The following RAPGEF1 variants were observed in gnomAD, a reference collection of about 807,000 sequenced individuals.
RAPGEF1 encodes the protein Rap guanine nucleotide exchange factor 1.
RAPGEF1 carries 33 observed loss-of-function variants against 143.3 expected under a neutral mutation model. The ratio of observed to expected loss-of-function variants is 0.23; its 90% CI spans 0.17 to 0.31. RAPGEF1 has a LOEUF of 0.31. RAPGEF1 is among the 10% of genes least tolerant of loss of function. The pLI is 1.00. For synonymous variants in RAPGEF1, 629 were observed against 676.5 expected, an observed-to-expected ratio of 0.93 and a Z score of 1.09; for missense variants, 1,199 against 1,645.4, an observed-to-expected ratio of 0.73 and a Z score of 4.69.
At chr9:131,598,385 C>T (rs2132400128) in intron 15 of RAPGEF1, 75 bp from the exon 16 acceptor site, 3 of 1,293,102 alleles carry the variant, frequency 2.3e-6, no homozygotes, top group Admixed American at 1.9e-5. Flanking sequence ...AAGGCAGTGC[C>T]GGTGTGCACG....
intron 1 of RAPGEF1, among the ~76,000 whole-genome samples, chr9:131,727,123 C>A (rs2131314392): frequency 6.6e-6 from 1 of 152,190 alleles, no homozygotes; most frequent in Non-Finnish European, 1.5e-5. Flanking sequence ...GGTATTCCAC[C>A]CAGCAGCTTA....
In RAPGEF1 at chr9:131,582,636, A is replaced by C. The variant is rs1408231290; in HGVS notation, c.3481T>G (p.Ser1161Ala). Reference protein sequence around the residue: ...SSFRAYRAALSEVEPPCIPYL... With the variant: ...SSFRAYRAALAEVEPPCIPYL... ...GGGATGCACGGCGGTTCCACCTCCG[A>C]GAGGGCGGCCCGGTAGGCTCGGAAG... Residue 1161 changes from serine to alanine, a missense_variant, in exon 25 of 27, where the codon TCG becomes GCG. Around this residue, in one of 6 missense-constraint regions of RAPGEF1, gnomAD observed 209 missense variants for 403.0 expected, o/e 0.52. Transcript: ENST00000683357. 6.5e-7 allele frequency: 1 copy of C among 1,533,132 alleles called. No homozygotes were observed. Among genetic ancestry groups the C allele is most frequent in the Non-Finnish European group, 8.7e-7 (1 of 1,150,266 alleles). 95.0% of individuals were successfully genotyped at this position (1,533,132 alleles called of 1,614,324 possible).
chr9:131,602,234 G>A (rs774676984), intron 14 of RAPGEF1, 85 bp from the exon 15 acceptor site: 21 of 944,174 alleles, frequency 2.2e-5, no homozygotes, highest in Non-Finnish European at 3.4e-5. Flanking sequence ...CCTGCAAGTG[G>A]CTGTGGAGTG....
chr9:131,681,917 G>GGCTGCTCAGGATATAGTGTTGCAGTT (rs1832943209), intron 1 of RAPGEF1, among the ~76,000 whole-genome samples: 1 of 152,116 alleles, frequency 6.6e-6, no homozygotes, highest in Non-Finnish European at 1.5e-5. Context: ...CTGCAGATTC[G>GGCTGCTCAGGATATAGTGTTGCAGTT]GCTGCTCAGG....
chr9:131,613,187 G>A (rs546121660), intron 12 of RAPGEF1, among the ~76,000 whole-genome samples: 3 of 152,338 alleles, frequency 2.0e-5, no homozygotes, highest in African/African-American at 7.2e-5. Context: ...AGAGGAAAGC[G>A]GGGCCCAGGG....
intron 1 of RAPGEF1, among the ~76,000 whole-genome samples, chr9:131,688,759 AT>A (rs1312476342): frequency 6.6e-6 from 1 of 152,102 alleles, no homozygotes; most frequent in Non-Finnish European, 1.5e-5. Context: ...AATACAAAAA[AT>A]TAGCTGGGTG....
At chr9:131,684,728 A>G (rs1024073227) in intron 1 of RAPGEF1, among the ~76,000 whole-genome samples, 1 of 152,246 alleles carries the variant, frequency 6.6e-6, no homozygotes, top group Non-Finnish European at 1.5e-5. Context: ...GTAAAATAAT[A>G]ACTTGGAGTA....
At chr9:131,630,401 T>C in intron 5 of RAPGEF1, 77 bp from the exon 6 acceptor site, 1 of 1,385,542 alleles carries the variant, frequency 7.2e-7, no homozygotes, top group Non-Finnish European at 1.0e-6. Flanking sequence ...GCAGGTGCTG[T>C]CTGTCCTCTG....
chr9:131,587,710 A>G (rs749925196), intron 22 of RAPGEF1, 26 bp downstream of exon 22: 3 of 1,604,606 alleles, frequency 1.9e-6, no homozygotes, highest in Non-Finnish European at 2.6e-6. Flanking sequence ...CCAGAGCAAC[A>G]GGGCTTGGCG....
At chr9:131,688,206 C>T (rs1833506968) in intron 1 of RAPGEF1, among the ~76,000 whole-genome samples, 1 of 152,156 alleles carries the variant, frequency 6.6e-6, no homozygotes, top group Non-Finnish European at 1.5e-5. Context: ...GAGAATTGTC[C>T]CTCCAAGTCA....
Position 131,638,735 on chromosome 9 carries a change from C to T in RAPGEF1, c.551G>A (p.Arg184His), listed in dbSNP as rs759592415. ...TTCCAGCATCACTTGGTCAGACCAG[C>T]GAATGAGGTTGGCGAGGCTTTGGTA... ...RVYQSLANLI[R>H]WSDQVMLEGV... The change falls in exon 5 of 27, where the codon CGC (arginine) becomes CAC (histidine). Residue 184 changes from arginine (R) to histidine (H), a missense_variant. By Grantham distance (29) the Arg-to-His change is conservative (BLOSUM62 0). This residue lies in a region of RAPGEF1 where 613 missense variants were observed against 710.9 expected (regional missense o/e 0.86). Coordinates refer to ENST00000683357, the MANE Select transcript of RAPGEF1 (RefSeq NM_001377935.1). The T allele has an allele frequency of 6.8e-6, 11 of 1,613,854 alleles. No homozygotes were observed. The highest frequency in any genetic ancestry group is 8.5e-6 in the Non-Finnish European group (10 of 1,179,858).
intron 12 of RAPGEF1, among the ~76,000 whole-genome samples, chr9:131,618,803 A>T (rs1220705812): frequency 6.6e-6 from 1 of 152,240 alleles, no homozygotes; most frequent in Admixed American, 6.5e-5. Flanking sequence ...CTGTCAGTTT[A>T]TGCCAGACTG....
intron 1 of RAPGEF1, among the ~76,000 whole-genome samples, chr9:131,685,830 T>A (rs1343310762): frequency 6.6e-6 from 1 of 151,936 alleles, no homozygotes; most frequent in Non-Finnish European, 1.5e-5. Context: ...TATAGTGGAG[T>A]ATGGAGAAAA....
At chr9:131,640,381 C>T (rs1301214472) in intron 4 of RAPGEF1, among the ~76,000 whole-genome samples, 1 of 152,256 alleles carries the variant, frequency 6.6e-6, no homozygotes, top group Non-Finnish European at 1.5e-5. Flanking sequence ...CTTTTATTCA[C>T]TACTTCCTTT....
intron 9 of RAPGEF1, 137 bp downstream of exon 9, chr9:131,627,776 C>A: frequency 2.4e-6 from 2 of 836,218 alleles, no homozygotes; most frequent in South Asian, 1.7e-5. Flanking sequence ...GATGAGGAAG[C>A]TGAGGCTCAG....
intron 1 of RAPGEF1, among the ~76,000 whole-genome samples, chr9:131,709,112 G>A (rs963406424): frequency 6.6e-6 from 1 of 152,152 alleles, no homozygotes; most frequent in African/African-American, 2.4e-5. Flanking sequence ...ACTTTGGGAA[G>A]CTGAGACAGG....
chr9:131,720,412 T>C lies in RAPGEF1; in HGVS notation c.61+19358A>G, dbSNP rs192400348. On this transcript the variant is annotated intron_variant, in intron 1 of 26. Coordinates refer to ENST00000683357, the MANE Select transcript of RAPGEF1 (RefSeq NM_001377935.1). ...AGACTTTGAGTGGTGGTTCCAAAGA[T>C]ACCCCCCACCTCTACCAGCAGTGTC... Among the ~76,000 whole-genome samples the C allele has an allele frequency of 1.5e-3, 232 of 152,262 alleles. 1 individual carries two copies. The highest frequency in any genetic ancestry group is 0.015 in the Admixed American group (227 of 15,294).
At chr9:131,590,485 T>C (rs778474783) in intron 18 of RAPGEF1, among the ~76,000 whole-genome samples, 2 of 152,196 alleles carry the variant, frequency 1.3e-5, no homozygotes, top group Non-Finnish European at 2.9e-5. Flanking sequence ...GCCGGGTCTC[T>C]CTTCCCAGAG....
chr9:131,595,200 G>C (rs910310719), intron 17 of RAPGEF1, among the ~76,000 whole-genome samples: 5 of 152,262 alleles, frequency 3.3e-5, no homozygotes, highest in Admixed American at 6.5e-5. Context: ...GGCACAGCTG[G>C]GGCTAGGATG....
Sources: gnomAD v4.1 joint callset for allele counts (sites outside exome capture counted in the v4.1 genomes callset) on GRCh38, gnomAD v4.1.1 for gene constraint, gnomAD v4.1.1 regional missense constraint, MANE v1.5 for transcripts, NCBI Gene and HGNC (gene_info 2026-07-23, HGNC 2026-07-21) for gene names.